The following PECR variants were observed in gnomAD, a reference collection of about 807,000 sequenced individuals.
The protein encoded by PECR is peroxisomal trans-2-enoyl-CoA reductase.
A neutral mutation model predicts 35.3 loss-of-function variants in PECR; 30 were observed. The observed-to-expected ratio is 0.85, with a 90% CI of 0.64 to 1.15. PECR has a LOEUF of 1.15. PECR is among the 50% of genes most tolerant of loss of function. PECR has a pLI of 0.00. For missense variants in PECR, 392 were observed against 370.8 expected, an observed-to-expected ratio of 1.06 and a Z score of -0.47; for synonymous variants, 148 against 138.9, an observed-to-expected ratio of 1.07 and a Z score of -0.46.
intron 2 of PECR, 95 bp from the exon 3 acceptor site, chr2:216,065,572 TCTCA>T: frequency 1.3e-6 from 1 of 773,390 alleles, no homozygotes; most frequent in Non-Finnish European, 2.3e-6. Flanking sequence ...GTTTGCAATC[TCTCA>T]CAGTGAACAG....
intron 6 of PECR, among the ~76,000 whole-genome samples, chr2:216,045,335 G>T: frequency 6.6e-6 from 1 of 152,126 alleles, no homozygotes; most frequent in Non-Finnish European, 1.5e-5. Context: ...CAGTATGACT[G>T]GTCCAAATTG....
At chr2:216,050,065 A>C (rs1275104902) in intron 5 of PECR, among the ~76,000 whole-genome samples, 1 of 152,140 alleles carries the variant, frequency 6.6e-6, no homozygotes, top group Non-Finnish European at 1.5e-5. Context: ...AAAAAATATA[A>C]AAAAGAATTA....
rs369985909 is a variant in PECR, at chr2:216,051,084, G to A, written c.603+365C>T. 7.3e-4 allele frequency among the ~76,000 whole-genome samples: 111 copies of A among 151,212 alleles called. No homozygotes were observed. The South Asian group carries it at 0.015, about 20-fold the overall frequency. ...ACAGATCTCCTGAGCTCAGGAGTTC[G>A]AGACCACCCAGGGCAATATGGTGAA... On this transcript the variant is annotated intron_variant, in intron 5 of 7. Transcript: ENST00000265322.
intron 6 of PECR, 64 bp downstream of exon 6, chr2:216,049,199 C>G (rs770271382): frequency 3.6e-6 from 3 of 843,622 alleles, no homozygotes; most frequent in Non-Finnish European, 6.3e-6. Context: ...AAAAATGACA[C>G]TGAATTACAA....
downstream of PECR, chr2:216,033,898 T>G (rs1445963894): frequency 6.6e-6 from 1 of 152,194 alleles, no homozygotes; most frequent in Non-Finnish European, 1.5e-5. Context: ...AGATCCAAAA[T>G]AGCCTAGAGA....
At chr2:216,065,568 AATC>A in intron 2 of PECR, 91 bp from the exon 3 acceptor site, 1 of 786,488 alleles carries the variant, frequency 1.3e-6, no homozygotes, top group Non-Finnish European at 2.2e-6. Flanking sequence ...CAGAGTTTGC[AATC>A]TCTCACAGTG....
rs1412769492 is a variant in PECR, at chr2:216,058,932, T to C, written c.469A>G (p.Ile157Val). ...MKEHGGSIVN[I>V]IVPTKAGFPL... The stretch of plus-strand genomic sequence containing the variant: ...AATCCAGCTTTAGTAGGGACAATGA[T>C]ATTGACGATAGATCCTCCATGCTCT... The change falls in exon 4 of 8, where the codon ATC becomes GTC. Residue 157 changes from isoleucine (I) to valine (V), a missense_variant. Physicochemically the swap from Ile to Val is conservative, Grantham distance 29. Transcript: ENST00000265322. The C allele has an allele frequency of 1.2e-6, 2 of 1,609,130 alleles. No individual in the cohort carries two copies. The highest frequency in any genetic ancestry group is 1.7e-6 in the Non-Finnish European group (2 of 1,175,482).
intron 1 of PECR, among the ~76,000 whole-genome samples, chr2:216,073,131 G>A (rs1695619094): frequency 6.6e-6 from 1 of 152,092 alleles, no homozygotes; most frequent in South Asian, 2.1e-4. Flanking sequence ...ACTTTAAAAT[G>A]GAATTTAATT....
intron 7 of PECR, among the ~76,000 whole-genome samples, chr2:216,031,814 C>T (rs1694715956): frequency 6.6e-6 from 1 of 152,212 alleles, no homozygotes; most frequent in Non-Finnish European, 1.5e-5. Flanking sequence ...TGAAACTAAT[C>T]CAGATTCAAT....
chr2:216,037,507 T>C (rs1350315040), downstream of PECR, among the ~76,000 whole-genome samples: 1 of 152,210 alleles, frequency 6.6e-6, no homozygotes, highest in Non-Finnish European at 1.5e-5. Flanking sequence ...TGTTATGATA[T>C]TATCAGTTCC....
intron 1 of PECR, among the ~76,000 whole-genome samples, chr2:216,079,470 C>T (rs1695783680): frequency 6.6e-6 from 1 of 151,296 alleles, no homozygotes; most frequent in Admixed American, 6.6e-5. Context: ...CGGGTTCACG[C>T]CATTCTCCTG....
Position 216,066,460 on chromosome 2 carries a change from T to C in PECR, c.183A>G (p.Glu61=), listed in dbSNP as rs35193673. The C allele has an allele frequency of 1.1e-3, 1,811 of 1,613,348 alleles. 13 individuals are homozygous for C. In the African/African-American group the frequency reaches 0.021, roughly 19 times the overall value. The part of the protein sequence containing the change: ...KLERLKSAAD[E]LQANLPPTKQ... ...TTGTGGGAGGTAGGTTGGCCTGCAGTTCATCTGCCGCAGACTTCAATCTCT... is the reference window on the plus strand; with the variant it reads ...TTGTGGGAGGTAGGTTGGCCTGCAGCTCATCTGCCGCAGACTTCAATCTCT... Residue 61 remains glutamate (E), a synonymous_variant, in exon 2 of 8, where the codon GAA becomes GAG. Transcript: ENST00000265322.
chr2:216,064,697 T>A (rs1475354410), intron 3 of PECR, among the ~76,000 whole-genome samples: 1 of 152,228 alleles, frequency 6.6e-6, no homozygotes, highest in African/African-American at 2.4e-5. Context: ...GGTAGAGATG[T>A]CTGCAAGACC....
chr2:216,047,914 T>TTTTTG (rs1324420825), intron 6 of PECR, among the ~76,000 whole-genome samples: 5 of 152,012 alleles, frequency 3.3e-5, no homozygotes, highest in Admixed American at 3.3e-4. Context: ...AAAAGGGGTT[T>TTTTTG]TTTTGTTTTG....
intron 6 of PECR, among the ~76,000 whole-genome samples, chr2:216,046,240 T>G (rs1293076110): frequency 6.7e-6 from 1 of 148,164 alleles, no homozygotes; most frequent in African/African-American, 2.5e-5. Context: ...TTTTAATTTC[T>G]AATACAGCAA....
intron 6 of PECR, among the ~76,000 whole-genome samples, chr2:216,044,955 G>A (rs923057801): frequency 1.3e-5 from 2 of 152,160 alleles, no homozygotes; most frequent in South Asian, 4.1e-4. Context: ...ATCCTTCCAG[G>A]ATCATTGCAA....
At chr2:216,040,490 G>C (rs1402288348) in intron 7 of PECR, among the ~76,000 whole-genome samples, 1 of 152,182 alleles carries the variant, frequency 6.6e-6, no homozygotes, top group Non-Finnish European at 1.5e-5. Context: ...CTGGGATCAA[G>C]CAATTGGCCC....
At chr2:216,069,438 G>T (rs1170756339) in intron 1 of PECR, among the ~76,000 whole-genome samples, 1 of 152,170 alleles carries the variant, frequency 6.6e-6, no homozygotes, top group African/African-American at 2.4e-5. Context: ...ACCAAGAAAT[G>T]AAAATTTGTA....
intron 4 of PECR, chr2:216,057,999 C>G (rs1695261724): frequency 2.0e-5 from 3 of 152,184 alleles, no homozygotes; most frequent in Admixed American, 1.3e-4. Flanking sequence ...CTAGAGACAG[C>G]CTGCCTGAGA....
Sources: allele counts gnomAD v4.1 joint callset (sites outside exome capture counted in the v4.1 genomes callset), GRCh38; gene constraint gnomAD v4.1.1; transcripts MANE v1.5; gene names NCBI Gene and HGNC (gene_info 2026-07-23, HGNC 2026-07-21).